TSHZ3: variants seen among roughly 807,000 people sequenced by gnomAD.
TSHZ3 encodes teashirt homolog 3.
A neutral mutation model predicts 64.5 loss-of-function variants in TSHZ3; 10 were observed. The ratio of observed to expected loss-of-function variants is 0.16; its 90% CI spans 0.10 to 0.26. TSHZ3 has a LOEUF of 0.26. Ranked by LOEUF, TSHZ3 falls within the 10% of genes least tolerant of loss-of-function variation. The pLI is 1.00. For missense variants in TSHZ3, 1,242 were observed against 1,421.7 expected (o/e 0.87, Z 2.03); for synonymous variants, 608 against 593.1 (o/e 1.03, Z -0.36).
intron 5 of TSHZ3, among the ~76,000 whole-genome samples, chr19:31,189,314 A>G (rs1263810725): frequency 2.0e-5 from 3 of 151,496 alleles, no homozygotes; most frequent in Non-Finnish European, 4.4e-5. Flanking sequence ...TTTTTTTCTT[A>G]TATTTTTAAG....
chr19:31,187,397 G>C (rs962853929), intron 5 of TSHZ3, among the ~76,000 whole-genome samples: 1 of 75,434 alleles, frequency 1.3e-5, no homozygotes, highest in Non-Finnish European at 2.6e-5. Flanking sequence ...ACGTTTAATC[G>C]TGTTTTTTTT....
chr19:31,307,321 T>A (rs888004506), intron 1 of TSHZ3, among the ~76,000 whole-genome samples: 11 of 151,842 alleles, frequency 7.2e-5, no homozygotes, highest in Non-Finnish European at 1.6e-4. Flanking sequence ...CCCCTCCCCA[T>A]GTTCTGGGAA....
At chr19:31,262,643 T>C (rs1450575847) in intron 1 of TSHZ3, among the ~76,000 whole-genome samples, 1 of 152,230 alleles carries the variant, frequency 6.6e-6, no homozygotes, top group African/African-American at 2.4e-5. Flanking sequence ...GAAAATCTTA[T>C]CTTTAAATAA....
chr19:31,235,397 C>G (rs538316369), intron 3 of TSHZ3, among the ~76,000 whole-genome samples: 1 of 151,822 alleles, frequency 6.6e-6, no homozygotes, highest in East Asian at 1.9e-4. Flanking sequence ...TCTGTTCCTA[C>G]GAGTTCAACT....
intron 1 of TSHZ3, among the ~76,000 whole-genome samples, chr19:31,268,991 T>C (rs1277271637): frequency 6.6e-6 from 1 of 152,068 alleles, no homozygotes; most frequent in Admixed American, 6.5e-5. Flanking sequence ...CCACAGGTGC[T>C]ATCCCCAGTA....
At chr19:31,299,914 T>A (rs542458076) in intron 1 of TSHZ3, among the ~76,000 whole-genome samples, 42 of 152,324 alleles carry the variant, frequency 2.8e-4, no homozygotes, top group African/African-American at 1.0e-3. Context: ...ACTTGTCAAA[T>A]GCCTTTCCTT....
intron 1 of TSHZ3, among the ~76,000 whole-genome samples, chr19:31,290,108 C>G (rs1339241079): frequency 6.6e-6 from 1 of 152,112 alleles, no homozygotes; most frequent in Non-Finnish European, 1.5e-5. Context: ...CTGACGCCAC[C>G]CGATTTAGGG....
At chr19:31,214,378 TGGTGTG>T (rs1175546748) in intron 4 of TSHZ3, among the ~76,000 whole-genome samples, 2 of 152,236 alleles carry the variant, frequency 1.3e-5, no homozygotes, top group African/African-American at 4.8e-5. Flanking sequence ...GCTTTGCTGA[TGGTGTG>T]GTGCAGGAAG....
intron 1 of TSHZ3, among the ~76,000 whole-genome samples, chr19:31,319,303 A>G (rs1916696828): frequency 6.6e-6 from 1 of 152,270 alleles, no homozygotes; most frequent in South Asian, 2.1e-4. Flanking sequence ...CTATTACAAA[A>G]TAGAGAAAAG....
At chr19:31,335,975 C>A (rs908103490) in intron 1 of TSHZ3, among the ~76,000 whole-genome samples, 1 of 152,190 alleles carries the variant, frequency 6.6e-6, no homozygotes, top group African/African-American at 2.4e-5. Context: ...ACTGATCTGG[C>A]GTTCCCTGAA....
intron 1 of TSHZ3, among the ~76,000 whole-genome samples, chr19:31,262,471 A>C (rs1975992333): frequency 6.6e-6 from 1 of 152,224 alleles, no homozygotes; most frequent in Non-Finnish European, 1.5e-5. Context: ...ATCAAGAAGA[A>C]AAAGTCAAGT....
chr19:31,171,168 C>T (rs1206497219), intron 5 of TSHZ3, among the ~76,000 whole-genome samples: 5 of 152,054 alleles, frequency 3.3e-5, no homozygotes, highest in African/African-American at 7.2e-5. Context: ...GCCAGTACCC[C>T]GCTTGGTAGC....
At chr19:31,292,655 C>G (rs1337363090) in intron 1 of TSHZ3, among the ~76,000 whole-genome samples, 1 of 151,942 alleles carries the variant, frequency 6.6e-6, no homozygotes, top group African/African-American at 2.4e-5. Flanking sequence ...ATCCATCTAC[C>G]CATCCATCCA....
At chr19:31,191,343 A>G (rs1046410146) in intron 5 of TSHZ3, among the ~76,000 whole-genome samples, 1 of 152,220 alleles carries the variant, frequency 6.6e-6, no homozygotes, top group Non-Finnish European at 1.5e-5. Flanking sequence ...GAGTACTGCT[A>G]ATTTCTAGTC....
At position 31,349,386 on chromosome 19, in the gene TSHZ3, C is replaced by A. The variant is rs1440455807; in HGVS notation, c.-167G>T. The A allele has an allele frequency of 4.1e-6, 2 of 482,544 alleles. No individual in the cohort carries two copies. The highest frequency in any genetic ancestry group is 7.8e-5 in the East Asian group (2 of 25,640). 29.9% of individuals were successfully genotyped at this position (482,544 alleles called of 1,614,324 possible). ...GCTGCTGCGCCCAGGCTCTCCGCGT[C>A]CCCCCCGCGCCGCGCTCCGCCGCGA... is the stretch of plus-strand genomic sequence containing the variant. On this transcript the variant is annotated 5_prime_UTR_variant, in exon 1 of 2. Coordinates refer to ENST00000240587, the MANE Select transcript of TSHZ3 (RefSeq NM_020856.4).
At chr19:31,212,781 T>C (rs73924602) in intron 4 of TSHZ3, among the ~76,000 whole-genome samples, 1,971 of 152,292 alleles carry the variant, frequency 0.013, 37 homozygotes, top group African/African-American at 0.044. Flanking sequence ...AAAATTTATG[T>C]CTCACAAAAG....
chr19:31,268,055 C>T (rs1417134399), intron 1 of TSHZ3, among the ~76,000 whole-genome samples: 5 of 152,084 alleles, frequency 3.3e-5, no homozygotes, highest in Admixed American at 2.6e-4. Flanking sequence ...CTTTCCCATG[C>T]TGTTCTTGTG....
At chr19:31,210,609 A>C (rs1180549325) in intron 4 of TSHZ3, among the ~76,000 whole-genome samples, 1 of 152,138 alleles carries the variant, frequency 6.6e-6, no homozygotes, top group Non-Finnish European at 1.5e-5. Flanking sequence ...GCTGGTGTAC[A>C]CTATGTCATG....
At chr19:31,211,700 T>C (rs1599585642) in intron 4 of TSHZ3, among the ~76,000 whole-genome samples, 1 of 152,120 alleles carries the variant, frequency 6.6e-6, no homozygotes, top group East Asian at 1.9e-4. Context: ...AGCCAGACCC[T>C]GGGAGCCGGC....
Sources: gnomAD v4.1 joint callset for allele counts (sites outside exome capture counted in the v4.1 genomes callset) on GRCh38, gnomAD v4.1.1 for gene constraint, MANE v1.5 for transcripts, NCBI Gene and HGNC (gene_info 2026-07-23, HGNC 2026-07-21) for gene names.